Variants in ADGRL3 observed in about 807,000 individuals in gnomAD.
ADGRL3 encodes adhesion G protein-coupled receptor L3.
In ADGRL3, 62 loss-of-function variants were observed where a neutral mutation model predicts 153.5. The ratio of observed to expected loss-of-function variants is 0.40; its 90% confidence interval spans 0.33 to 0.50. ADGRL3 has a LOEUF of 0.50. ADGRL3 is among the 20% of genes least tolerant of loss of function. The pLI, the probability that ADGRL3 is intolerant of heterozygous loss-of-function variation, is 0.47. For synonymous variants in ADGRL3, 710 were observed against 672.5 expected, an observed-to-expected ratio of 1.06 and a Z score of -0.86; for missense variants, 1,641 against 1,859.4, an observed-to-expected ratio of 0.88 and a Z score of 2.16.
At chr4:61,464,134 A>C (rs1314820159) in intron 2 of ADGRL3, among the ~76,000 whole-genome samples, 4 of 152,224 alleles carry the variant, frequency 2.6e-5, no homozygotes, top group African/African-American at 9.6e-5. Context: ...AGGTTTGCAT[A>C]GTTTGTAGAT....
At chr4:61,370,064 T>C (rs991191500) in intron 1 of ADGRL3, among the ~76,000 whole-genome samples, 3 of 152,190 alleles carry the variant, frequency 2.0e-5, no homozygotes, top group Non-Finnish European at 4.4e-5. Context: ...TTCTGTGGGA[T>C]CGGTGGTGAT....
At position 62,075,327 on chromosome 4, in the gene ADGRL3, A is replaced by T. The variant is rs1746799564; in HGVS notation, c.*4419A>T. 6.6e-6 allele frequency: 1 copy of T among 152,152 alleles called. No homozygotes were observed. The highest frequency in any genetic ancestry group is 2.1e-4 in the South Asian group (1 of 4,836). The allele number at this position is 152,152 out of a possible 1,614,324, so 9.4% of individuals were successfully genotyped here. On this transcript the variant is annotated 3_prime_UTR_variant, in exon 27 of 27. Transcript: ENST00000683033. ...CAGCCTTCTGCGTAGCCATGATCAC[A>T]GGTTTGAGCCACAGCACTTGGCCTG...
chr4:61,579,866 C>A lies in ADGRL3; in HGVS notation c.260-7361C>A, dbSNP rs553149180. Among the ~76,000 whole-genome samples the A allele has an allele frequency of 3.9e-5, 6 of 152,136 alleles. No individual in the cohort carries two copies. The South Asian group carries it at 1.2e-3, about 32-fold the overall frequency. On this transcript the variant is annotated intron_variant, in intron 4 of 26. Coordinates refer to ENST00000683033, the MANE Select transcript of ADGRL3 (RefSeq NM_001387552.1). Reference sequence around the variant, plus strand: ...TGTTAGAATTCAGTGTATTAGAAGTCTCCTGAGAGCATATGTTCTTTTAAA... The same window carrying A: ...TGTTAGAATTCAGTGTATTAGAAGTATCCTGAGAGCATATGTTCTTTTAAA...
intron 8 of ADGRL3, among the ~76,000 whole-genome samples, chr4:61,760,434 C>T (rs1374319586): frequency 1.3e-5 from 2 of 152,022 alleles, no homozygotes; most frequent in African/African-American, 2.4e-5. Context: ...AGCGAGGCTC[C>T]GTGGGCGTAG....
chr4:61,517,728 T>A (rs547634811), intron 4 of ADGRL3, among the ~76,000 whole-genome samples: 2 of 152,338 alleles, frequency 1.3e-5, no homozygotes, highest in South Asian at 4.2e-4. Context: ...AGCTTCAACA[T>A]TATTTTGAAA....
chr4:61,742,934 T>C (rs1417577239), intron 8 of ADGRL3, among the ~76,000 whole-genome samples: 2 of 152,088 alleles, frequency 1.3e-5, no homozygotes, highest in African/African-American at 4.8e-5. Flanking sequence ...CTAGCGAAGA[T>C]ACAAATCAAA....
chr4:61,966,672 A>G (rs1581670728), intron 17 of ADGRL3, among the ~76,000 whole-genome samples: 1 of 151,968 alleles, frequency 6.6e-6, no homozygotes, highest in Non-Finnish European at 1.5e-5. Context: ...GCTAGAAATG[A>G]GCCCAGAAAA....
chr4:61,230,424 G>A (rs1283830287), intron 1 of ADGRL3, among the ~76,000 whole-genome samples: 1 of 152,182 alleles, frequency 6.6e-6, no homozygotes, highest in Non-Finnish European at 1.5e-5. Flanking sequence ...TAGTAATGTG[G>A]AGTTGATGGC....
intron 5 of ADGRL3, among the ~76,000 whole-genome samples, chr4:61,642,299 C>T (rs2093718329): frequency 6.6e-6 from 1 of 152,112 alleles, no homozygotes; most frequent in African/African-American, 2.4e-5. Flanking sequence ...TAATTAGATC[C>T]CATTTGTCAA....
intron 8 of ADGRL3, among the ~76,000 whole-genome samples, chr4:61,801,154 A>G (rs2097491427): frequency 6.6e-6 from 1 of 152,146 alleles, no homozygotes; most frequent in South Asian, 2.1e-4. Flanking sequence ...AAGATAATCT[A>G]CTTGAGAATA....
chr4:61,681,466 G>GC (rs1397721709), intron 6 of ADGRL3, among the ~76,000 whole-genome samples: 4 of 151,794 alleles, frequency 2.6e-5, no homozygotes, highest in African/African-American at 9.7e-5. Flanking sequence ...TAAGAAAATT[G>GC]CGGGGGGAAG....
chr4:61,280,861 C>G, intron 1 of ADGRL3, among the ~76,000 whole-genome samples: 1 of 151,992 alleles, frequency 6.6e-6, no homozygotes, highest in East Asian at 1.9e-4. Context: ...ACTATTGATA[C>G]AAAATTTACA....
At chr4:61,442,877 G>T (rs1401862352) in intron 2 of ADGRL3, among the ~76,000 whole-genome samples, 1 of 152,110 alleles carries the variant, frequency 6.6e-6, no homozygotes, top group Non-Finnish European at 1.5e-5. Context: ...AAGCATGGAA[G>T]GCTTTTGATG....
At chr4:61,776,586 A>G (rs1189178523) in intron 8 of ADGRL3, among the ~76,000 whole-genome samples, 2 of 152,192 alleles carry the variant, frequency 1.3e-5, no homozygotes, top group East Asian at 1.9e-4. Context: ...TTTAAAAAAT[A>G]TATTCCTATG....
At chr4:61,683,758 G>A (rs979080805) in intron 6 of ADGRL3, among the ~76,000 whole-genome samples, 6 of 152,122 alleles carry the variant, frequency 3.9e-5, no homozygotes, top group Non-Finnish European at 7.3e-5. Flanking sequence ...AACTGTCTTT[G>A]GCTTGGAGGT....
chr4:61,297,990 T>C (rs574895634), intron 1 of ADGRL3, among the ~76,000 whole-genome samples: 38 of 152,244 alleles, frequency 2.5e-4, no homozygotes, highest in Non-Finnish European at 4.6e-4. Context: ...CTAAGGCAAT[T>C]ATATAATACT....
intron 24 of ADGRL3, among the ~76,000 whole-genome samples, chr4:62,041,305 T>C (rs17226412): frequency 0.21 from 31,733 of 152,022 alleles, 3,834 homozygotes; most frequent in South Asian, 0.41. Context: ...CACAAACATA[T>C]ATTCACAGAA....
chr4:61,763,314 A>G (rs1335446977), intron 8 of ADGRL3, among the ~76,000 whole-genome samples: 1 of 151,466 alleles, frequency 6.6e-6, no homozygotes, highest in African/African-American at 2.4e-5. Context: ...CAGCCTCCCA[A>G]GTAGCTGGGA....
At position 61,402,131 on chromosome 4, in the gene ADGRL3, A is replaced by G. The variant is rs142284569; in HGVS notation, c.-174+18942A>G. Among the ~76,000 whole-genome samples, 733 of 152,208 alleles carry G rather than the reference A, an allele frequency of 4.8e-3. 7 individuals carry two copies. The highest frequency in any genetic ancestry group is 0.017 in the African/African-American group (703 of 41,550). On this transcript the variant is annotated intron_variant, in intron 2 of 26. Transcript: ENST00000683033. ...TTCTTCCTCTTTGACTTTCTTCAAC[A>G]CTTACAACATGTAAAAAACTTAGCT...
Sources: gnomAD v4.1 joint callset for allele counts (sites outside exome capture counted in the v4.1 genomes callset) on GRCh38, gnomAD v4.1.1 for gene constraint, MANE v1.5 for transcripts, NCBI Gene and HGNC (gene_info 2026-07-23, HGNC 2026-07-21) for gene names.